TFAP2C: variants seen among roughly 807,000 people sequenced by gnomAD.
TFAP2C encodes activating enhancer-binding protein 2 gamma.
In TFAP2C, 9 loss-of-function variants were observed where a neutral mutation model predicts 42.9. That is an observed-to-expected ratio of 0.21 (90% CI 0.13 to 0.37). TFAP2C has a LOEUF of 0.37. TFAP2C is among the 10% of genes least tolerant of loss of function. The pLI, the probability that TFAP2C is intolerant of heterozygous loss-of-function variation, is 1.00. For synonymous variants in TFAP2C, 264 were observed against 256.0 expected, an observed-to-expected ratio of 1.03 and a Z score of -0.30; for missense variants, 462 against 591.7, an observed-to-expected ratio of 0.78 and a Z score of 2.27.
chr20:56,630,327 G>A lies in TFAP2C; in HGVS notation c.48+735G>A, dbSNP rs537780535. ...CCCTGGAGGGCTGCCCCTGCCCGCA[G>A]GCCCGGGCGCTTCCGCCAGGAGGCG... On this transcript the variant is annotated intron_variant, in intron 1 of 6. Transcript: ENST00000201031. The surrounding 1 kb of genome is among the most constrained non-coding windows in gnomAD (Gnocchi z 5.1). 1.1e-3 allele frequency: 478 copies of A among 434,158 alleles called. 4 individuals are homozygous for A. Among genetic ancestry groups the A allele is most frequent in the African/African-American group, 8.8e-3 (427 of 48,610 alleles). 26.9% of individuals were successfully genotyped at this position (434,158 alleles called of 1,614,324 possible).
In TFAP2C at chr20:56,637,948, C is replaced by T. The variant is rs1484623971; in HGVS notation, c.1288C>T (p.Pro430Ser). The T allele has an allele frequency of 6.2e-7, 1 of 1,613,954 alleles. No individual in the cohort carries two copies. The highest frequency in any genetic ancestry group is 1.3e-5 in the African/African-American group (1 of 75,008). ...LIVIDKSYMN[P>S]GDQSPADSNK... is the part of the protein sequence containing the mutation. ...TGTCATAGACAAATCCTACATGAAC[C>T]CTGGAGACCAGAGTCCAGCTGATTC... Residue 430 changes from proline to serine, a missense_variant, in exon 7 of 7, where the codon CCT becomes TCT. Pro to Ser is a moderately conservative substitution (Grantham distance 74). Transcript: ENST00000201031.
chr20:56,632,489 A>G (rs186141517), intron 3 of TFAP2C, among the ~76,000 whole-genome samples: 46 of 152,336 alleles, frequency 3.0e-4, no homozygotes, highest in Non-Finnish European at 6.0e-4. Context: ...CAGGATTACC[A>G]TTTTGACTGT....
In TFAP2C at chr20:56,638,206, C is replaced by G. The variant is rs548468806; in HGVS notation, c.*193C>G. The G allele has an allele frequency of 1.8e-5, 10 of 570,882 alleles. No homozygotes were observed. In the East Asian group the frequency reaches 2.8e-4, roughly 16 times the overall value. The allele number at this position is 570,882 out of a possible 1,614,324, so 35.4% of individuals were successfully genotyped here. On this transcript the variant is annotated 3_prime_UTR_variant, in exon 7 of 7. Coordinates refer to ENST00000201031, the MANE Select transcript of TFAP2C (RefSeq NM_003222.4). ...AGTTGTTTCTCTAGCGCTGAGCTATCTCCTAACTTTGGACCTATTATCAGA... is the reference window on the plus strand; with the variant it reads ...AGTTGTTTCTCTAGCGCTGAGCTATGTCCTAACTTTGGACCTATTATCAGA...
intron 3 of TFAP2C, among the ~76,000 whole-genome samples, chr20:56,632,762 G>A (rs1346819001): frequency 6.6e-6 from 1 of 151,546 alleles, no homozygotes; most frequent in Non-Finnish European, 1.5e-5. Context: ...ATTTAGTATT[G>A]AAGCAGTCTT....
In TFAP2C at chr20:56,629,652, C is replaced by T. The variant is rs936854017; in HGVS notation, c.48+60C>T. 1.9e-5 allele frequency: 25 copies of T among 1,314,798 alleles called. 1 individual carries two copies. In the South Asian group the frequency reaches 5.3e-4, roughly 28 times the overall value. The allele number at this position is 1,314,798 out of a possible 1,614,324, so 81.4% of individuals were successfully genotyped here. A position where few individuals can be genotyped will look rare whatever the true frequency, so the allele number is the denominator to read the frequency against. ...CCGAGGACAGTCCGGGAGGCAGGGG[C>T]CACTGGACCGAGGTCGGGGACGAGG... On this transcript the variant is annotated intron_variant, in intron 1 of 6. Transcript: ENST00000201031. This position sits in a 1 kb window ranked among gnomAD's most constrained non-coding sequence, Gnocchi z 5.9.
chr20:56,630,416 T>G lies in TFAP2C; in HGVS notation c.49-789T>G, dbSNP rs765032546. The G allele has an allele frequency of 1.0e-4, 46 of 443,482 alleles. No individual in the cohort carries two copies. The highest frequency in any genetic ancestry group is 1.9e-4 in the Non-Finnish European group (41 of 212,946). 27.5% of individuals were successfully genotyped at this position (443,482 alleles called of 1,614,324 possible). The stretch of plus-strand genomic sequence containing the variant: ...CCCCTGGGCAGATGGGGACGCATCC[T>G]TTAGAAACTGAGTCGGGCCGCCCAG... On this transcript the variant is annotated intron_variant, in intron 1 of 6. Coordinates refer to ENST00000201031, the MANE Select transcript of TFAP2C (RefSeq NM_003222.4). The surrounding 1 kb of genome is among the most constrained non-coding windows in gnomAD (Gnocchi z 5.1).
intron 5 of TFAP2C, among the ~76,000 whole-genome samples, chr20:56,636,294 T>C (rs1304632030): frequency 1.3e-5 from 2 of 152,136 alleles, no homozygotes; most frequent in Admixed American, 6.6e-5. Context: ...CTATAATCCC[T>C]GGCATGAGCC....
Position 56,638,028 on chromosome 20 carries a change from AAGGTT to A in TFAP2C, c.*19_*23del. 6.2e-7 allele frequency: 1 copy of A among 1,608,976 alleles called. No homozygotes were observed. Among genetic ancestry groups the A allele is most frequent in the Non-Finnish European group, 8.5e-7 (1 of 1,177,196 alleles). The stretch of plus-strand genomic sequence containing the variant: ...ACAGGAAATAAAATTGGAACGAAGA[AAGGTT>A]AGGAGAGTAGGGAAGGAACAGGACT... On this transcript the variant is annotated 3_prime_UTR_variant, in exon 7 of 7. Transcript: ENST00000201031.
At position 56,631,771 on chromosome 20, in the gene TFAP2C, C is replaced by G. The variant is rs201679767; in HGVS notation, c.535-34C>G. The G allele has an allele frequency of 5.1e-4, 829 of 1,614,070 alleles. No individual in the cohort carries two copies. The highest frequency in any genetic ancestry group is 6.7e-4 in the Non-Finnish European group (791 of 1,180,028). ...CACCCCGCACTCCTCTAGGCTCCCC[C>G]GAACTTAAGGGAATTTTGTCCTCTC... On this transcript the variant is annotated intron_variant, in intron 2 of 6. Coordinates refer to ENST00000201031, the MANE Select transcript of TFAP2C (RefSeq NM_003222.4). This position sits in a 1 kb window ranked among gnomAD's most constrained non-coding sequence, Gnocchi z 6.1.
Position 56,638,627 on chromosome 20 carries a change from A to G in TFAP2C, c.*614A>G, listed in dbSNP as rs955839906. The G allele has an allele frequency of 1.3e-5, 2 of 150,014 alleles. No homozygotes were observed. The highest frequency in any genetic ancestry group is 4.9e-5 in the African/African-American group (2 of 40,714). The allele number at this position is 150,014 out of a possible 1,614,324, so 9.3% of individuals were successfully genotyped here. ...GGCCTTCTGGTTTTAGGAAACTTGT[A>G]GAAACGAAGCCTGCTGATTGATTTT... On this transcript the variant is annotated 3_prime_UTR_variant, in exon 7 of 7. Transcript: ENST00000201031.
At chr20:56,636,513 G>A (rs1020880413) in intron 5 of TFAP2C, 97 bp from the exon 6 acceptor site, 98 of 1,348,872 alleles carry the variant, frequency 7.3e-5, no homozygotes, top group Non-Finnish European at 8.8e-5. Flanking sequence ...GCAACAGAGC[G>A]AGACTCCGTG....
rs1488535102 is a variant in TFAP2C, at chr20:56,631,449, G to A, written c.293G>A (p.Ser98Asn). The A allele has an allele frequency of 3.2e-6, 5 of 1,573,902 alleles. No individual in the cohort carries two copies. The highest frequency in any genetic ancestry group is 4.3e-6 in the Non-Finnish European group (5 of 1,162,446). ...CTGCACCAGCCGGCGCCCACAGGCAGCCAGCAGCAGGCCTGGCCCGGCCGC... is the reference window on the plus strand; with the variant it reads ...CTGCACCAGCCGGCGCCCACAGGCAACCAGCAGCAGGCCTGGCCCGGCCGC... ...NPLHQPAPTG[S>N]QQQAWPGRQS... The change falls in exon 2 of 7, where the codon AGC (serine) becomes AAC (asparagine). Residue 98 changes from serine to asparagine, a missense_variant. By Grantham distance (46) the Ser-to-Asn change is conservative. This residue lies in a region of TFAP2C where 271 missense variants were observed against 269.7 expected (regional missense o/e 1.00). Coordinates refer to ENST00000201031, the MANE Select transcript of TFAP2C (RefSeq NM_003222.4). The surrounding 1 kb of genome is among the most constrained non-coding windows in gnomAD (Gnocchi z 6.1).
Position 56,631,657 on chromosome 20 carries a change from C to T in TFAP2C, c.501C>T (p.Leu167=). 6.3e-7 allele frequency: 1 copy of T among 1,583,992 alleles called. No individual in the cohort carries two copies. Among genetic ancestry groups the T allele is most frequent in the Non-Finnish European group, 8.6e-7 (1 of 1,168,934 alleles). Residue 167 remains leucine (L), a synonymous_variant, in exon 2 of 7, where the codon CTC becomes CTT. Coordinates refer to ENST00000201031, the MANE Select transcript of TFAP2C (RefSeq NM_003222.4). The surrounding 1 kb of genome is among the most constrained non-coding windows in gnomAD (Gnocchi z 6.1). ...DAAGLAENLG[L]HDMPHQMDEV... ...CGGGCCTGGCCGAGAACCTGGGGCTCCACGACATGCCTCACCAGATGGACG... is the reference window on the plus strand; with the variant it reads ...CGGGCCTGGCCGAGAACCTGGGGCTTCACGACATGCCTCACCAGATGGACG...
At chr20:56,636,461 G>A in intron 5 of TFAP2C, 149 bp from the exon 6 acceptor site, 1 of 764,944 alleles carries the variant, frequency 1.3e-6, no homozygotes, top group Non-Finnish European at 2.0e-6. Context: ...CGGAGGTGGA[G>A]GTTGCAGTGA....
chr20:56,634,222 G>A lies in TFAP2C; in HGVS notation c.876G>A (p.Gly292=), dbSNP rs1258253286. The part of the protein sequence containing the change: ...LDKIGLNLPA[G]RRKAAHVTLL... ...AGATTGGGTTGAATCTTCCGGCCGG[G>A]AGGCGGAAAGCCGCTCATGTGACTC... Residue 292 remains glycine, a synonymous_variant, in exon 5 of 7, where the codon GGG becomes GGA. Coordinates refer to ENST00000201031, the MANE Select transcript of TFAP2C (RefSeq NM_003222.4). 1.2e-6 allele frequency: 2 copies of A among 1,614,122 alleles called. No homozygotes were observed. Among genetic ancestry groups the A allele is most frequent in the Non-Finnish European group, 1.7e-6 (2 of 1,180,054 alleles).
intron 5 of TFAP2C, 82 bp from the exon 6 acceptor site, chr20:56,636,528 A>G: frequency 2.6e-6 from 3 of 1,157,482 alleles, no homozygotes; most frequent in Non-Finnish European, 3.5e-6. Context: ...TCCGTGTCAA[A>G]AAAAAAAAAA....
In TFAP2C at chr20:56,631,624, G is replaced by C. The variant is rs1339223419; in HGVS notation, c.468G>C (p.Leu156=). ...TGCTGCTGCCCCACGCACACGCCCT[G>C]GATGCCGCGGGCCTGGCCGAGAACC... ...SDLLLPHAHA[L]DAAGLAENLG... The change falls in exon 2 of 7, where the codon CTG becomes CTC. Residue 156 remains leucine, a synonymous_variant. Transcript: ENST00000201031. This position sits in a 1 kb window ranked among gnomAD's most constrained non-coding sequence, Gnocchi z 6.1. 6.3e-7 allele frequency: 1 copy of C among 1,574,864 alleles called. No homozygotes were observed. The highest frequency in any genetic ancestry group is 1.2e-5 in the South Asian group (1 of 86,748).
chr20:56,630,525 GCCCTTGGCAGTGCAGGGCGCCCCCACTTA>G lies in TFAP2C; in HGVS notation c.49-679_49-651del, dbSNP rs1987467572. On this transcript the variant is annotated intron_variant, in intron 1 of 6. Coordinates refer to ENST00000201031, the MANE Select transcript of TFAP2C (RefSeq NM_003222.4). This position sits in a 1 kb window ranked among gnomAD's most constrained non-coding sequence, Gnocchi z 5.1. Reference sequence around the variant, plus strand: ...CTGCGCCCCGACGTGCGAGAACACTGCCCTTGGCAGTGCAGGGCGCCCCCACTTATTACTCCCCTCGGCTGGGCCCGGCC... The same window carrying G: ...CTGCGCCCCGACGTGCGAGAACACTGTTACTCCCCTCGGCTGGGCCCGGCC... 6.6e-6 allele frequency among the ~76,000 whole-genome samples: 1 copy of G among 152,212 alleles called. No homozygotes were observed. Among genetic ancestry groups the G allele is most frequent in the Non-Finnish European group, 1.5e-5 (1 of 68,028 alleles).
At chr20:56,635,811 T>C (rs918162411) in intron 5 of TFAP2C, among the ~76,000 whole-genome samples, 3 of 152,204 alleles carry the variant, frequency 2.0e-5, no homozygotes, top group Non-Finnish European at 4.4e-5. Flanking sequence ...GTTCAAAATG[T>C]TATATTTGTA....
Sources: gnomAD v4.1 joint callset for allele counts (sites outside exome capture counted in the v4.1 genomes callset) on GRCh38, gnomAD v4.1.1 for gene constraint, gnomAD v4.1.1 regional missense constraint, Gnocchi (gnomAD v3.1) non-coding constraint, MANE v1.5 for transcripts, NCBI Gene and HGNC (gene_info 2026-07-23, HGNC 2026-07-21) for gene names.